SUSD1: variants seen among roughly 807,000 people sequenced by gnomAD.
SUSD1 encodes the protein sushi domain-containing protein 1.
SUSD1 carries 65 observed loss-of-function variants against 86.9 expected under a neutral mutation model. That is an observed-to-expected ratio of 0.75 (90% CI 0.61 to 0.92). SUSD1 has a LOEUF of 0.92. Among genes scored for constraint, SUSD1 ranks in the 40% least tolerant of loss-of-function variants. The probability of loss-of-function intolerance (pLI) is 0.00; values close to 1 mark genes in which losing one functional copy is unlikely to be tolerated. For missense variants in SUSD1, 850 were observed against 929.7 expected (o/e 0.91, Z 1.11); for synonymous variants, 346 against 350.0 (o/e 0.99, Z 0.13).
intron 1 of SUSD1, among the ~76,000 whole-genome samples, chr9:112,167,691 G>A (rs10817274): frequency 0.48 from 72,741 of 152,138 alleles, 17,781 homozygotes; most frequent in African/African-American, 0.59. Flanking sequence ...CTGTAAATCT[G>A]TAAAATGAGA....
intron 5 of SUSD1, among the ~76,000 whole-genome samples, chr9:112,135,225 C>G (rs1449094515): frequency 6.6e-6 from 1 of 152,106 alleles, no homozygotes; most frequent in East Asian, 1.9e-4. Context: ...GAAAGAAAAA[C>G]AGATTACTTT....
intron 15 of SUSD1, among the ~76,000 whole-genome samples, chr9:112,049,753 A>C (rs1380787383): frequency 6.6e-6 from 1 of 152,258 alleles, no homozygotes; most frequent in Non-Finnish European, 1.5e-5. Context: ...AATGTTATAC[A>C]TAAAAAAGTA....
intron 13 of SUSD1, 71 bp downstream of exon 13, chr9:112,062,866 A>G (rs1258401394): frequency 3.2e-5 from 34 of 1,047,048 alleles, no homozygotes; most frequent in Non-Finnish European, 3.9e-5. Flanking sequence ...TCTTCTCCTC[A>G]CCAAAATCAA....
chr9:112,078,272 A>G (rs999599557), intron 12 of SUSD1, among the ~76,000 whole-genome samples: 1 of 152,184 alleles, frequency 6.6e-6, no homozygotes, highest in Non-Finnish European at 1.5e-5. Context: ...ATTTAAGCCC[A>G]GGTCAAGGCT....
chr9:112,111,711 T>A lies in SUSD1; in HGVS notation c.1114A>T (p.Ile372Phe). Residue 372 changes from isoleucine to phenylalanine, a missense_variant, in exon 8 of 17, where the codon ATC becomes TTC. Ile to Phe is a conservative substitution (Grantham distance 21). Coordinates refer to ENST00000374270, the MANE Select transcript of SUSD1 (RefSeq NM_022486.5). ...GAGCGCCTGGGAGGTGCTGTGGAGATGTTCACGGTGTAGTTGGTGCCTGGG... is the reference window on the plus strand; with the variant it reads ...GAGCGCCTGGGAGGTGCTGTGGAGAAGTTCACGGTGTAGTTGGTGCCTGGG... The part of the protein sequence containing the change: ...LYPGTNYTVN[I>F]STAPPRRSMP... 6.2e-7 allele frequency: 1 copy of A among 1,614,136 alleles called. No individual in the cohort carries two copies. Among genetic ancestry groups the A allele is most frequent in the Non-Finnish European group, 8.5e-7 (1 of 1,180,014 alleles).
chr9:112,111,668 C>T lies in SUSD1; in HGVS notation c.1157G>A (p.Gly386Asp), dbSNP rs757974825. Reference sequence around the variant, plus strand: ...CCTCCACCTACCAGCTGTCTGGAAACCGATGACGGCTGGCATCGAGCGCCT... The same window carrying T: ...CCTCCACCTACCAGCTGTCTGGAAATCGATGACGGCTGGCATCGAGCGCCT... ...PPRRSMPAVI[G>D]FQTAEVDLLE... is the part of the protein sequence containing the mutation. The change falls in exon 8 of 17, where the codon GGT (glycine) becomes GAT (aspartate). Residue 386 changes from glycine (G) to aspartate (D), a missense_variant. Gly to Asp is a moderately conservative substitution (Grantham distance 94, BLOSUM62 -1). Transcript: ENST00000374270. 6.2e-7 allele frequency: 1 copy of T among 1,613,486 alleles called. No individual in the cohort carries two copies. Among genetic ancestry groups the T allele is most frequent in the South Asian group, 1.1e-5 (1 of 90,990 alleles).
At chr9:112,105,578 G>A (rs1188725865) in intron 8 of SUSD1, among the ~76,000 whole-genome samples, 3 of 152,236 alleles carry the variant, frequency 2.0e-5, no homozygotes, top group Admixed American at 6.5e-5. Context: ...AATTAGCTGG[G>A]CATGGTGACA....
At chr9:112,055,008 C>A (rs1828385977) in intron 14 of SUSD1, among the ~76,000 whole-genome samples, 1 of 152,142 alleles carries the variant, frequency 6.6e-6, no homozygotes, top group African/African-American at 2.4e-5. Context: ...CAACCCAATT[C>A]AAAAATGAGC....
At chr9:112,159,758 T>C (rs1208577966) in intron 1 of SUSD1, among the ~76,000 whole-genome samples, 3 of 152,230 alleles carry the variant, frequency 2.0e-5, no homozygotes, top group Non-Finnish European at 4.4e-5. Context: ...TTTTATACCT[T>C]AAGAGTATAC....
chr9:112,072,140 C>CTCTTTTTTTTTTTTTTTTT (rs1564267825), intron 12 of SUSD1, among the ~76,000 whole-genome samples: 2 of 121,166 alleles, frequency 1.7e-5, no homozygotes, highest in Non-Finnish European at 3.3e-5. Flanking sequence ...CTTTCTTTCT[C>CTCTTTTTTTTTTTTTTTTT]TTTTTTTTTT....
At chr9:112,093,889 T>C (rs531559963) in intron 10 of SUSD1, among the ~76,000 whole-genome samples, 2 of 152,294 alleles carry the variant, frequency 1.3e-5, no homozygotes, top group East Asian at 3.9e-4. Context: ...CTCTAAGACA[T>C]AGGCTTTTTA....
chr9:112,104,007 G>A (rs938715286), intron 8 of SUSD1, among the ~76,000 whole-genome samples: 1 of 151,944 alleles, frequency 6.6e-6, no homozygotes, highest in Non-Finnish European at 1.5e-5. Context: ...TTCAACGTCT[G>A]TATTTTTTTA....
At chr9:112,135,506 T>A (rs1393721436) in intron 5 of SUSD1, among the ~76,000 whole-genome samples, 2 of 152,212 alleles carry the variant, frequency 1.3e-5, no homozygotes, top group African/African-American at 4.8e-5. Context: ...TGTAAGGATC[T>A]TCCATTTGCA....
chr9:112,066,752 C>G (rs534310499), intron 12 of SUSD1, among the ~76,000 whole-genome samples: 1 of 152,252 alleles, frequency 6.6e-6, no homozygotes, highest in Non-Finnish European at 1.5e-5. Context: ...CTTATGGGGC[C>G]AGCATTCCCA....
intron 8 of SUSD1, among the ~76,000 whole-genome samples, chr9:112,107,984 CA>C (rs1226892812): frequency 6.6e-6 from 1 of 152,076 alleles, no homozygotes; most frequent in South Asian, 2.1e-4. Context: ...CTGAAATTAC[CA>C]AACTTGGCCA....
intron 5 of SUSD1, among the ~76,000 whole-genome samples, chr9:112,132,317 G>A (rs1455180105): frequency 6.6e-6 from 1 of 152,118 alleles, no homozygotes; most frequent in Non-Finnish European, 1.5e-5. Context: ...CAACTGCCAG[G>A]GGAATTAATG....
intron 1 of SUSD1, among the ~76,000 whole-genome samples, chr9:112,165,938 GAAAGAAGAAAGAAAGAAAGAAAGA>G (rs1403661270): frequency 3.8e-5 from 4 of 104,594 alleles, no homozygotes; most frequent in Non-Finnish European, 5.8e-5. Context: ...AAGAAAGAAA[GAAAGAAGAAAGAAAGAAAGAAAGA>G]AAGAAAGAAA....
chr9:112,157,824 CTT>C (rs72322597), intron 1 of SUSD1, among the ~76,000 whole-genome samples: 104 of 136,840 alleles, frequency 7.6e-4, no homozygotes, highest in South Asian at 1.2e-3. Context: ...TTCTTTCTTT[CTT>C]TTTTTTTTTT....
At chr9:112,059,394 A>G (rs1448334852) in intron 13 of SUSD1, among the ~76,000 whole-genome samples, 1 of 152,260 alleles carries the variant, frequency 6.6e-6, no homozygotes, top group Non-Finnish European at 1.5e-5. Context: ...GGAAAGGGTT[A>G]GCAGTCACAT....
Sources: allele counts gnomAD v4.1 joint callset (sites outside exome capture counted in the v4.1 genomes callset), GRCh38; gene constraint gnomAD v4.1.1; transcripts MANE v1.5; gene names NCBI Gene and HGNC (gene_info 2026-07-23, HGNC 2026-07-21).